The following SNIP1 variants were observed in gnomAD, a reference collection of about 807,000 sequenced individuals.
The protein encoded by SNIP1 is smad nuclear-interacting protein 1.
In SNIP1, 23 loss-of-function variants were observed where a neutral mutation model predicts 37.4. That is an observed-to-expected ratio of 0.61 (90% CI 0.44 to 0.87). The LOEUF is 0.87. Among genes scored for constraint, SNIP1 ranks in the 40% least tolerant of loss-of-function variants. The pLI, the probability that SNIP1 is intolerant of heterozygous loss-of-function variation, is 0.00. For missense variants in SNIP1, 459 were observed against 540.4 expected (o/e 0.85, Z 1.49); for synonymous variants, 174 against 200.0 (o/e 0.87, Z 1.10).
chr1:37,538,076 AGCTCTTT>A lies in SNIP1; in HGVS notation c.927-71_927-65del, dbSNP rs571592772. 2.0e-4 allele frequency: 310 copies of A among 1,514,162 alleles called. 4 individuals are homozygous for A. The South Asian group carries it at 4.0e-3, about 19-fold the overall frequency. The allele number at this position is 1,514,162 out of a possible 1,614,324, so 93.8% of individuals were successfully genotyped here. A position where few individuals can be genotyped will look rare whatever the true frequency, so the allele number is the denominator to read the frequency against. On this transcript the variant is annotated intron_variant, in intron 3 of 3. Transcript: ENST00000296215. Reference sequence around the variant, plus strand: ...GCCTCAGATCATCCAGCTTCTCTAAAGCTCTTTGCTAAGATAGCCTAGATGACGTAAA... The same window carrying A: ...GCCTCAGATCATCCAGCTTCTCTAAAGCTAAGATAGCCTAGATGACGTAAA...
chr1:37,551,661 A>AT (rs970522172), intron 2 of SNIP1, among the ~76,000 whole-genome samples: 69 of 152,088 alleles, frequency 4.5e-4, no homozygotes, highest in Admixed American at 8.5e-4. Context: ...AGGACAGAGG[A>AT]TTTTTTTTCA....
At chr1:37,541,982 C>T (rs1409048941) in intron 2 of SNIP1, among the ~76,000 whole-genome samples, 15 of 152,142 alleles carry the variant, frequency 9.9e-5, no homozygotes, top group Admixed American at 9.8e-4. Context: ...TCGATCTTAG[C>T]AACTTCAATA....
rs769427485 is a variant in SNIP1, at chr1:37,554,156, G to A, written c.74C>T (p.Ala25Val). 3.1e-6 allele frequency: 5 copies of A among 1,612,626 alleles called. No individual in the cohort carries two copies. In the Admixed American group the frequency reaches 6.7e-5, roughly 22 times the overall value. Residue 25 changes from alanine (A) to valine (V), a missense_variant, in exon 1 of 4, where the codon GCG (alanine) becomes GTG (valine). Coordinates refer to ENST00000296215, the MANE Select transcript of SNIP1 (RefSeq NM_024700.4). ...RHRDGDVVLP[A>V]GVVVKQERLS... ...ACGCTCCTGCTTCACCACCACCCCCGCCGGCAGCACCACGTCCCCGTCCCG... is the reference window on the plus strand; with the variant it reads ...ACGCTCCTGCTTCACCACCACCCCCACCGGCAGCACCACGTCCCCGTCCCG...
In SNIP1 at chr1:37,535,798, A is replaced by G. The variant is rs1465454127; in HGVS notation, c.*1950T>C. The G allele has an allele frequency of 6.6e-6, 1 of 151,776 alleles. No homozygotes were observed. The highest frequency in any genetic ancestry group is 1.5e-5 in the Non-Finnish European group (1 of 67,986). 9.4% of individuals were successfully genotyped at this position (151,776 alleles called of 1,614,324 possible). ...AGTTACAGTGGCCAATGTAGAACAC[A>G]TTCTTCAACTTACCTTTTTTTTTTT... On this transcript the variant is annotated 3_prime_UTR_variant, in exon 4 of 4. Transcript: ENST00000296215.
rs749207872 is a variant in SNIP1, at chr1:37,540,734, T to C, written c.349A>G (p.Arg117Gly). The C allele has an allele frequency of 1.9e-6, 3 of 1,603,326 alleles. No individual in the cohort carries two copies. The highest frequency in any genetic ancestry group is 1.7e-6 in the Non-Finnish European group (2 of 1,173,070). Residue 117 changes from arginine (R) to glycine (G), a missense_variant, in exon 3 of 4, where the codon AGA (arginine) becomes GGA (glycine). Transcript: ENST00000296215. This position sits in a 1 kb window ranked among gnomAD's most constrained non-coding sequence, Gnocchi z 5.6. ...VKQEREDHPR[R>G]GREDRQHREP... is the part of the protein sequence containing the mutation. ...CTGTGCTGCCGATCCTCCCGTCCTC[T>C]CCGGGGATGATCCTCACGCTCCTAA...
intron 2 of SNIP1, among the ~76,000 whole-genome samples, chr1:37,551,492 C>A (rs1643301941): frequency 6.6e-6 from 1 of 152,094 alleles, no homozygotes; most frequent in Admixed American, 6.5e-5. Context: ...AACCCAAGTA[C>A]CTCAGAATGT....
At chr1:37,553,949 C>T (rs569477993) in intron 1 of SNIP1, 57 bp downstream of exon 1, 2 of 1,527,892 alleles carry the variant, frequency 1.3e-6, no homozygotes, top group African/African-American at 1.4e-5. Context: ...GCTAGCCCTG[C>T]CCGCCTTTCT....
chr1:37,538,026 A>G lies in SNIP1; in HGVS notation c.927-14T>C. ...TATTCCACAAGCCTAGCAGAAAAAAAGGAGAAACCTGTGAGCAAACTTCTG... is the reference window on the plus strand; with the variant it reads ...TATTCCACAAGCCTAGCAGAAAAAAGGGAGAAACCTGTGAGCAAACTTCTG... On this transcript the variant is annotated splice_polypyrimidine_tract_variant and intron_variant, in intron 3 of 3. Transcript: ENST00000296215. 1.9e-6 allele frequency: 3 copies of G among 1,572,792 alleles called. No homozygotes were observed. The highest frequency in any genetic ancestry group is 2.6e-6 in the Non-Finnish European group (3 of 1,161,730).
chr1:37,547,991 A>T (rs985962728), intron 2 of SNIP1, among the ~76,000 whole-genome samples: 3 of 151,650 alleles, frequency 2.0e-5, no homozygotes, highest in African/African-American at 4.8e-5. Context: ...CTAAAAAAAA[A>T]ATACAAAAAA....
Position 37,539,686 on chromosome 1 carries a change from G to C in SNIP1, c.926+471C>G, listed in dbSNP as rs59568362. ...GATCGCGCCACTGCACTCCAGCCTG[G>C]GCACAGAACGAGACTCCGTCTCAAA... On this transcript the variant is annotated intron_variant, in intron 3 of 3. Coordinates refer to ENST00000296215, the MANE Select transcript of SNIP1 (RefSeq NM_024700.4). Among the ~76,000 whole-genome samples, 139 of 152,290 alleles carry C rather than the reference G, an allele frequency of 9.1e-4. 1 individual carries two copies. Among genetic ancestry groups the C allele is most frequent in the African/African-American group, 3.3e-3 (136 of 41,542 alleles).
Position 37,534,831 on chromosome 1 carries a change from T to G in SNIP1, c.*2917A>C, listed in dbSNP as rs1643066145. 6.6e-6 allele frequency: 1 copy of G among 152,074 alleles called. No individual in the cohort carries two copies. Among genetic ancestry groups the G allele is most frequent in the African/African-American group, 2.4e-5 (1 of 41,390 alleles). 9.4% of individuals were successfully genotyped at this position (152,074 alleles called of 1,614,324 possible). A position where few individuals can be genotyped will look rare whatever the true frequency, so the allele number is the denominator to read the frequency against. On this transcript the variant is annotated 3_prime_UTR_variant, in exon 4 of 4. Transcript: ENST00000296215. ...AGGGGCTCAGAAGCAAAGGGCTGTT[T>G]TGAAAATAGTTTGATTTTGACACAA...
chr1:37,541,546 T>G (rs1479160601), intron 2 of SNIP1: 1 of 151,680 alleles, frequency 6.6e-6, no homozygotes, highest in South Asian at 2.1e-4. Context: ...CCTGTAATCC[T>G]AGCTACTCAG....
chr1:37,544,495 G>C (rs1392542972), intron 2 of SNIP1, among the ~76,000 whole-genome samples: 1 of 150,302 alleles, frequency 6.7e-6, no homozygotes, highest in East Asian at 2.0e-4. Flanking sequence ...TATAGATGTA[G>C]ATCCCCAAGG....
Position 37,535,984 on chromosome 1 carries a change from G to GT in SNIP1, c.*1763dup, listed in dbSNP as rs1357961679. On this transcript the variant is annotated 3_prime_UTR_variant, in exon 4 of 4. Coordinates refer to ENST00000296215, the MANE Select transcript of SNIP1 (RefSeq NM_024700.4). ...GTGCCACCACGCCCAGCTAATTTTT[G>GT]TATTTTTAGTAGAGATGGGGTTTCA... The GT allele has an allele frequency of 6.6e-6, 1 of 152,026 alleles. No homozygotes were observed. The highest frequency in any genetic ancestry group is 1.5e-5 in the Non-Finnish European group (1 of 68,024). 9.4% of individuals were successfully genotyped at this position (152,026 alleles called of 1,614,324 possible).
intron 2 of SNIP1, among the ~76,000 whole-genome samples, chr1:37,546,082 G>C (rs1643232042): frequency 6.6e-6 from 1 of 151,200 alleles, no homozygotes; most frequent in Non-Finnish European, 1.5e-5. Flanking sequence ...ATAGATACTT[G>C]AGCATCCATG....
intron 3 of SNIP1, among the ~76,000 whole-genome samples, chr1:37,539,152 A>G (rs575951117): frequency 6.6e-6 from 1 of 152,320 alleles, no homozygotes; most frequent in Non-Finnish European, 1.5e-5. Context: ...TAATTATTAC[A>G]TTATATATTA....
At chr1:37,544,290 C>T (rs1643204650) in intron 2 of SNIP1, among the ~76,000 whole-genome samples, 1 of 150,906 alleles carries the variant, frequency 6.6e-6, no homozygotes, top group Non-Finnish European at 1.5e-5. Context: ...ACTAAAAATA[C>T]AAAAAATTAG....
chr1:37,544,079 G>A (rs1292252206), intron 2 of SNIP1, among the ~76,000 whole-genome samples: 1 of 151,132 alleles, frequency 6.6e-6, no homozygotes, highest in African/African-American at 2.4e-5. Flanking sequence ...CAGAAGTGGA[G>A]GTTGCAGTGA....
intron 2 of SNIP1, chr1:37,544,764 TGAC>T (rs1281148471): frequency 2.0e-5 from 14 of 703,632 alleles, no homozygotes; most frequent in Admixed American, 5.5e-5. Flanking sequence ...GCCACCACCA[TGAC>T]GACTGCGCGT....
Sources: gnomAD v4.1 joint callset for allele counts (sites outside exome capture counted in the v4.1 genomes callset) on GRCh38, gnomAD v4.1.1 for gene constraint, Gnocchi (gnomAD v3.1) non-coding constraint, MANE v1.5 for transcripts, NCBI Gene and HGNC (gene_info 2026-07-23, HGNC 2026-07-21) for gene names.